Variants in KDR observed in about 807,000 individuals in gnomAD.
The protein encoded by KDR is kinase insert domain receptor.
KDR carries 43 observed loss-of-function variants against 160.9 expected under a neutral mutation model. The observed-to-expected ratio is 0.27, with a 90% CI of 0.21 to 0.34. The LOEUF (loss-of-function observed/expected upper bound fraction) is 0.34. Ranked by LOEUF, KDR falls within the 10% of genes least tolerant of loss-of-function variation. The pLI, the probability that KDR is intolerant of heterozygous loss-of-function variation, is 1.00. For synonymous variants in KDR, 617 were observed against 600.1 expected (o/e 1.03, Z -0.41); for missense variants, 1,469 against 1,666.4 (o/e 0.88, Z 2.06).
At chr4:55,103,608 C>T (rs960410890) in intron 13 of KDR, among the ~76,000 whole-genome samples, 23 of 152,130 alleles carry the variant, frequency 1.5e-4, no homozygotes, top group African/African-American at 5.6e-4. Flanking sequence ...CTGGGGATGA[C>T]TTGACCCCAA....
At position 55,125,102 on chromosome 4, in the gene KDR, A is replaced by T. The variant is rs544055270; in HGVS notation, c.67+125T>A. The T allele has an allele frequency of 1.5e-5, 14 of 914,648 alleles. No homozygotes were observed. The East Asian group carries it at 2.6e-4, about 17-fold the overall frequency. 56.7% of individuals were successfully genotyped at this position (914,648 alleles called of 1,614,324 possible). On this transcript the variant is annotated intron_variant, in intron 1 of 29. Coordinates refer to ENST00000263923, the MANE Select transcript of KDR (RefSeq NM_002253.4). ...CTCAGTTTCCCCACTGGTAAATGAA[A>T]GATCGCAAAATGTCAAGTCCTGTCC...
chr4:55,093,329 C>T (rs1385532786), intron 21 of KDR, among the ~76,000 whole-genome samples: 1 of 152,176 alleles, frequency 6.6e-6, no homozygotes, highest in African/African-American at 2.4e-5. Flanking sequence ...GTATTTACTT[C>T]AGTGCAACTG....
chr4:55,118,548 T>C (rs1008837090), intron 3 of KDR, 56 bp downstream of exon 3: 2 of 1,365,832 alleles, frequency 1.5e-6, no homozygotes, highest in Non-Finnish European at 2.1e-6. Context: ...TTTGAGCCTA[T>C]TGTCTTTTAT....
rs1384578921 is a variant in KDR at position 55,078,858 on chromosome 4, T to C, written c.*1083A>G. The C allele has an allele frequency of 4.3e-6, 1 of 233,008 alleles. No individual in the cohort carries two copies. Among genetic ancestry groups the C allele is most frequent in the Non-Finnish European group, 8.5e-6 (1 of 118,008 alleles). 14.4% of individuals were successfully genotyped at this position (233,008 alleles called of 1,614,324 possible). On this transcript the variant is annotated 3_prime_UTR_variant, in exon 30 of 30. Coordinates refer to ENST00000263923, the MANE Select transcript of KDR (RefSeq NM_002253.4). ...GTCTGGCTAATAATCATTCAGAGAG[T>C]GAACAAACCCAATCAGGTTTACTGG...
Position 55,106,871 on chromosome 4 carries a change from G to C in KDR, c.1413-61C>G, listed in dbSNP as rs1232239473. The stretch of plus-strand genomic sequence containing the variant: ...AATTTTTCTTTAATTAGAGTCAAGA[G>C]TAAGGAAAAGATTCAGACTTTGGTT... On this transcript the variant is annotated intron_variant, in intron 10 of 29. Coordinates refer to ENST00000263923, the MANE Select transcript of KDR (RefSeq NM_002253.4). The C allele has an allele frequency of 3.9e-5, 55 of 1,392,486 alleles. No individual in the cohort carries two copies. In the Admixed American group the frequency reaches 9.2e-4, roughly 23 times the overall value. The allele number at this position is 1,392,486 out of a possible 1,614,324, so 86.3% of individuals were successfully genotyped here. A position where few individuals can be genotyped will look rare whatever the true frequency, so the allele number is the denominator to read the frequency against.
rs765723893 is a variant in KDR at position 55,105,953 on chromosome 4, A to G, written c.1537-13T>C. The G allele has an allele frequency of 6.4e-7, 1 of 1,555,484 alleles. No individual in the cohort carries two copies. The highest frequency in any genetic ancestry group is 8.9e-7 in the Non-Finnish European group (1 of 1,126,740). Reference sequence around the variant, plus strand: ...GGGTACTTACAGTCTGTGCGGGGAAAAAACAAATCCCAGGCCATAAACAAC... The same window carrying G: ...GGGTACTTACAGTCTGTGCGGGGAAGAAACAAATCCCAGGCCATAAACAAC... On this transcript the variant is annotated splice_polypyrimidine_tract_variant and intron_variant, in intron 11 of 29. Coordinates refer to ENST00000263923, the MANE Select transcript of KDR (RefSeq NM_002253.4).
intron 1 of KDR, among the ~76,000 whole-genome samples, chr4:55,123,208 A>T (rs535630072): frequency 1.3e-5 from 2 of 152,366 alleles, no homozygotes; most frequent in South Asian, 2.1e-4. Context: ...TCATTTGGAT[A>T]ACACAGATTT....
chr4:55,107,967 A>G, intron 9 of KDR, 74 bp from the exon 10 acceptor site: 2 of 1,533,458 alleles, frequency 1.3e-6, no homozygotes, highest in Non-Finnish European at 1.8e-6. Flanking sequence ...TTTAGCAACT[A>G]AAGCTGACTT....
chr4:55,090,894 G>A (rs901778304), intron 22 of KDR, among the ~76,000 whole-genome samples: 6 of 114,722 alleles, frequency 5.2e-5, no homozygotes, highest in South Asian at 3.0e-4. Context: ...TCTCACTCTC[G>A]CCCAGGCTGG....
At chr4:55,106,016 C>T in intron 11 of KDR, 76 bp from the exon 12 acceptor site, 1 of 901,242 alleles carries the variant, frequency 1.1e-6, no homozygotes, top group Non-Finnish European at 1.9e-6. Context: ...CCAGCAGTCT[C>T]CACAATCACT....
chr4:55,104,437 T>C (rs1368266145), intron 13 of KDR, among the ~76,000 whole-genome samples: 2 of 152,218 alleles, frequency 1.3e-5, no homozygotes, highest in African/African-American at 4.8e-5. Context: ...AATTACTCCA[T>C]CATCAGGTTT....
intron 15 of KDR, among the ~76,000 whole-genome samples, chr4:55,099,439 A>G (rs940021350): frequency 2.0e-5 from 3 of 152,228 alleles, no homozygotes; most frequent in African/African-American, 7.2e-5. Flanking sequence ...CAAACATAGA[A>G]AGTGTTTAGA....
Position 55,096,295 on chromosome 4 carries a change from T to C in KDR, c.2662A>G (p.Ile888Val). 1 of 1,613,708 alleles carries C rather than the reference T, an allele frequency of 6.2e-7. No individual in the cohort carries two copies. The highest frequency in any genetic ancestry group is 8.5e-7 in the Non-Finnish European group (1 of 1,179,786). The change falls in exon 19 of 30, where the codon ATC becomes GTC. Residue 888 changes from isoleucine (I) to valine (V), a missense_variant. Physicochemically the swap from Ile to Val is conservative, Grantham distance 29 (BLOSUM62 3). This residue lies in a region of KDR where 151 missense variants were observed against 207.2 expected (regional missense o/e 0.73). Transcript: ENST00000263923. ...EHRALMSELK[I>V]LIHIGHHLNV... ...AGATGGTGACCAATATGAATGAGGATCTTGAGTTCAGACATGAGAGCTCGA... is the reference window on the plus strand; with the variant it reads ...AGATGGTGACCAATATGAATGAGGACCTTGAGTTCAGACATGAGAGCTCGA...
intron 22 of KDR, among the ~76,000 whole-genome samples, chr4:55,090,583 G>A (rs965938598): frequency 1.3e-5 from 2 of 152,150 alleles, no homozygotes; most frequent in Non-Finnish European, 2.9e-5. Flanking sequence ...GGCTTCCCCT[G>A]ATTTCAAAGT....
rs1209741730 is a variant in KDR, at chr4:55,096,247, C to T, written c.2710G>A (p.Ala904Thr). Residue 904 changes from alanine (A) to threonine (T), a missense_variant, in exon 19 of 30, where the codon GCC (alanine) becomes ACC (threonine). Physicochemically the swap from Ala to Thr is moderately conservative, Grantham distance 58 (BLOSUM62 0). Around this residue, in one of 7 missense-constraint regions of KDR, gnomAD observed 151 missense variants for 207.2 expected, o/e 0.73. Transcript: ENST00000263923. ...TACTCACCTCCTGGCTTGGTACAGG[C>T]ACCTAGAAGGTTGACCACATTGAGA... ...HHLNVVNLLGACTKPGGPLMV... is the reference protein window; with the variant it reads ...HHLNVVNLLGTCTKPGGPLMV... 13 of 1,611,576 alleles carry T rather than the reference C, an allele frequency of 8.1e-6. No homozygotes were observed. Among genetic ancestry groups the T allele is most frequent in the Non-Finnish European group, 1.1e-5 (13 of 1,178,126 alleles).
intron 3 of KDR, among the ~76,000 whole-genome samples, chr4:55,118,376 A>C (rs916728573): frequency 2.0e-5 from 3 of 152,328 alleles, no homozygotes; most frequent in Middle Eastern, 3.4e-3. Context: ...CTTGGAAACA[A>C]AGATCAGACC....
intron 8 of KDR, 35 bp downstream of exon 8, chr4:55,110,619 C>A (rs369457740): frequency 6.2e-7 from 1 of 1,611,742 alleles, no homozygotes; most frequent in Non-Finnish European, 8.5e-7. Flanking sequence ...TGCTCTCACA[C>A]GAAATGATGC....
rs775641920 is a variant in KDR, at chr4:55,113,981, A to G, written c.798+145T>C. ...ATTCCCTTAAATTGTGTGTGTGTGT[A>G]TGTGTGTGTGAGTGGGTGTGTATGT... is the stretch of plus-strand genomic sequence containing the variant. On this transcript the variant is annotated intron_variant, in intron 6 of 29. Coordinates refer to ENST00000263923, the MANE Select transcript of KDR (RefSeq NM_002253.4). 42 of 792,412 alleles carry G rather than the reference A, an allele frequency of 5.3e-5. No individual in the cohort carries two copies. The African/African-American group carries it at 6.0e-4, about 11-fold the overall frequency. 49.1% of individuals were successfully genotyped at this position (792,412 alleles called of 1,614,324 possible). A position where few individuals can be genotyped will look rare whatever the true frequency, so the allele number is the denominator to read the frequency against.
Position 55,102,591 on chromosome 4 carries a change from T to G in KDR, c.1988-83A>C, listed in dbSNP as rs956363542. 1.7e-5 allele frequency: 25 copies of G among 1,453,118 alleles called. No homozygotes were observed. In the African/African-American group the frequency reaches 2.5e-4, roughly 15 times the overall value. The allele number at this position is 1,453,118 out of a possible 1,614,324, so 90.0% of individuals were successfully genotyped here. A position where few individuals can be genotyped will look rare whatever the true frequency, so the allele number is the denominator to read the frequency against. ...GGTATCAGCAAACTTTTAAACAGTT[T>G]AAATTTAGTAAAAAGGAACTTGTTG... On this transcript the variant is annotated intron_variant, in intron 13 of 29. Coordinates refer to ENST00000263923, the MANE Select transcript of KDR (RefSeq NM_002253.4).
Sources: allele counts gnomAD v4.1 joint callset (sites outside exome capture counted in the v4.1 genomes callset), GRCh38; gene constraint gnomAD v4.1.1; regional missense constraint gnomAD v4.1.1; transcripts MANE v1.5; gene names NCBI Gene and HGNC (gene_info 2026-07-23, HGNC 2026-07-21).